IGSF21: variants seen among roughly 807,000 people sequenced by gnomAD.
IGSF21 encodes the protein immunoglobin superfamily member 21, also known as immunoglobulin superfamily member 21.
A neutral mutation model predicts 46.8 loss-of-function variants in IGSF21; 28 were observed. The ratio of observed to expected loss-of-function variants is 0.60; its 90% CI spans 0.44 to 0.82. The LOEUF is 0.82. IGSF21 is among the 40% of genes least tolerant of loss of function. The pLI, the probability that IGSF21 is intolerant of heterozygous loss-of-function variation, is 0.00. For synonymous variants in IGSF21, 284 were observed against 273.6 expected (o/e 1.04, Z -0.38); for missense variants, 624 against 665.5 (o/e 0.94, Z 0.69).
At chr1:18,247,388 C>T (rs912886555) in intron 2 of IGSF21, among the ~76,000 whole-genome samples, 1 of 152,298 alleles carries the variant, frequency 6.6e-6, no homozygotes. Flanking sequence ...CTGCCAGCCT[C>T]ATCCACCACG....
chr1:18,291,133 GC>G (rs2085261977), intron 2 of IGSF21, among the ~76,000 whole-genome samples: 2 of 152,218 alleles, frequency 1.3e-5, no homozygotes, highest in African/African-American at 4.8e-5. Context: ...GCAGCTGAGG[GC>G]ACGGACGCTT....
intron 3 of IGSF21, among the ~76,000 whole-genome samples, chr1:18,327,072 A>C (rs1311207397): frequency 6.6e-6 from 1 of 152,176 alleles, no homozygotes; most frequent in African/African-American, 2.4e-5. Flanking sequence ...AATGTCATGC[A>C]CCCTTTTCTC....
At chr1:18,153,782 C>G (rs2086542941) in intron 1 of IGSF21, among the ~76,000 whole-genome samples, 1 of 152,068 alleles carries the variant, frequency 6.6e-6, no homozygotes, top group Non-Finnish European at 1.5e-5. Flanking sequence ...TGGTCTGAGC[C>G]CCAGATGCAT....
intron 2 of IGSF21, among the ~76,000 whole-genome samples, chr1:18,273,035 G>A (rs982870167): frequency 5.5e-5 from 6 of 109,140 alleles, no homozygotes; most frequent in Non-Finnish European, 1.2e-4. Context: ...GCAGCCAGAC[G>A]GATCTTTTTT....
chr1:18,350,753 G>A (rs180833977), intron 4 of IGSF21, among the ~76,000 whole-genome samples: 10 of 152,212 alleles, frequency 6.6e-5, no homozygotes, highest in East Asian at 5.8e-4. Context: ...AGGAGCAAGC[G>A]GCAAGAATGA....
intron 2 of IGSF21, among the ~76,000 whole-genome samples, chr1:18,243,283 TCTC>T (rs1041547216): frequency 1.3e-5 from 2 of 152,030 alleles, no homozygotes; most frequent in South Asian, 2.1e-4. Context: ...CCCTTAGTCT[TCTC>T]CACCTCAGCG....
intron 1 of IGSF21, among the ~76,000 whole-genome samples, chr1:18,148,426 C>G (rs1474046538): frequency 1.3e-5 from 2 of 152,154 alleles, no homozygotes; most frequent in Admixed American, 6.6e-5. Flanking sequence ...GCCACCATGC[C>G]CGGCCTCAAG....
chr1:18,170,672 T>C lies in IGSF21; in HGVS notation c.71-57226T>C, dbSNP rs186930663. On this transcript the variant is annotated intron_variant, in intron 1 of 9. Coordinates refer to ENST00000251296, the MANE Select transcript of IGSF21 (RefSeq NM_032880.5). ...TTGCTCAAGTTGGCACAGCAGCAAT[T>C]GTCAGAGCTGGGATTTGAACGTACA... is the stretch of plus-strand genomic sequence containing the variant. Among the ~76,000 whole-genome samples, 24 of 152,058 alleles carry C rather than the reference T, an allele frequency of 1.6e-4. No homozygotes were observed. The East Asian group carries it at 4.5e-3, about 28-fold the overall frequency.
At chr1:18,148,537 T>C (rs986601162) in intron 1 of IGSF21, among the ~76,000 whole-genome samples, 1 of 152,190 alleles carries the variant, frequency 6.6e-6, no homozygotes, top group African/African-American at 2.4e-5. Flanking sequence ...GTGGTAAAGC[T>C]GGGATTTGAA....
At chr1:18,287,212 A>AAAAT (rs1553160839) in intron 2 of IGSF21, among the ~76,000 whole-genome samples, 1 of 143,794 alleles carries the variant, frequency 7.0e-6, no homozygotes, top group Non-Finnish European at 1.5e-5. Flanking sequence ...TAAATAAATA[A>AAAAT]AAATAAATAA....
rs140580085 is a variant in IGSF21 at position 18,357,185 on chromosome 1, G to A, written c.425-4930G>A. Among the ~76,000 whole-genome samples, 24 of 147,102 alleles carry A rather than the reference G, an allele frequency of 1.6e-4. 1 individual carries two copies. The highest frequency in any genetic ancestry group is 5.3e-4 in the African/African-American group (21 of 39,684). The stretch of plus-strand genomic sequence containing the variant: ...GGGGATAAAGATGGGGGAAGAGATG[G>A]AGATGGAGATGGGAGTGGGGTTGGG... On this transcript the variant is annotated intron_variant, in intron 4 of 9. Coordinates refer to ENST00000251296, the MANE Select transcript of IGSF21 (RefSeq NM_032880.5).
At chr1:18,183,054 T>C (rs979232569) in intron 1 of IGSF21, among the ~76,000 whole-genome samples, 1 of 152,214 alleles carries the variant, frequency 6.6e-6, no homozygotes, top group Non-Finnish European at 1.5e-5. Context: ...TGGGCCTGGC[T>C]GCCCTCGCCT....
At chr1:18,354,503 G>A (rs1016702477) in intron 4 of IGSF21, among the ~76,000 whole-genome samples, 2 of 152,246 alleles carry the variant, frequency 1.3e-5, no homozygotes, top group African/African-American at 4.8e-5. Flanking sequence ...CTTCTTTTGT[G>A]AAATATGGTG....
At chr1:18,278,796 T>A (rs2085130070) in intron 2 of IGSF21, 1 of 469,888 alleles carries the variant, frequency 2.1e-6, no homozygotes, top group Admixed American at 2.4e-5. Context: ...GCTCAAGCAA[T>A]CTGCCTGCCT....
At chr1:18,271,490 C>T (rs2085042100) in intron 2 of IGSF21, among the ~76,000 whole-genome samples, 1 of 152,202 alleles carries the variant, frequency 6.6e-6, no homozygotes, top group Admixed American at 6.5e-5. Flanking sequence ...CTCTCAATCA[C>T]AAGCAAACCT....
At chr1:18,112,116 A>C (rs2086150180) in intron 1 of IGSF21, 1 of 152,248 alleles carries the variant, frequency 6.6e-6, no homozygotes, top group South Asian at 2.1e-4. Context: ...GACCGACAAA[A>C]TAGAGGCTGT....
chr1:18,348,555 T>TA (rs1340763049), intron 4 of IGSF21, among the ~76,000 whole-genome samples: 6 of 152,166 alleles, frequency 3.9e-5, no homozygotes, highest in Non-Finnish European at 7.3e-5. Context: ...ACAGGCCCTT[T>TA]AATTACTAGT....
At chr1:18,310,997 T>C (rs1004977159) in intron 3 of IGSF21, among the ~76,000 whole-genome samples, 13 of 152,214 alleles carry the variant, frequency 8.5e-5, no homozygotes, top group Admixed American at 8.5e-4. Flanking sequence ...CCTGACTTTA[T>C]CTTAACTTGA....
chr1:18,226,613 C>T (rs1378342017), intron 1 of IGSF21, among the ~76,000 whole-genome samples: 1 of 152,222 alleles, frequency 6.6e-6, no homozygotes, highest in Non-Finnish European at 1.5e-5. Context: ...TGCAGGTCCG[C>T]TCTGACTCCA....
Sources: gnomAD v4.1 joint callset for allele counts (sites outside exome capture counted in the v4.1 genomes callset) on GRCh38, gnomAD v4.1.1 for gene constraint, MANE v1.5 for transcripts, NCBI Gene and HGNC (gene_info 2026-07-23, HGNC 2026-07-21) for gene names.